Variants in TRIM48 observed in about 807,000 individuals in gnomAD.
TRIM48 encodes the protein tripartite motif containing 48.
In TRIM48, 31 loss-of-function variants were observed where a neutral mutation model predicts 29.5. The observed-to-expected ratio is 1.05, with a 90% CI of 0.79 to 1.42. The LOEUF (loss-of-function observed/expected upper bound fraction) is 1.42, where lower values mean the gene tolerates loss of function less well. Ranked by LOEUF, TRIM48 falls within the 40% of genes most tolerant of loss-of-function variation. The probability of loss-of-function intolerance (pLI) is 0.00; values close to 1 mark genes in which losing one functional copy is unlikely to be tolerated. For missense variants in TRIM48, 344 were observed against 265.0 expected (o/e 1.30, Z -2.07); for synonymous variants, 128 against 90.6 (o/e 1.41, Z -2.34).
Position 55,265,033 on chromosome 11 carries a change from C to T in TRIM48, c.178C>T (p.Gln60Ter). Reference sequence around the variant, plus strand: ...CAGGCCCTGTTTCTACCTCAACTGGCAAGACATCCCAATTCTTACTCAGTG... The same window carrying T: ...CAGGCCCTGTTTCTACCTCAACTGGTAAGACATCCCAATTCTTACTCAGTG... ...FCRPCFYLNW[Q>*]DIPILTQCFE... is the part of the protein sequence containing the mutation. The change falls in exon 2 of 6, where the codon CAA (glutamine) becomes TAA (stop). Residue 60 changes from glutamine to a stop codon, truncating the protein, a stop_gained. Transcript: ENST00000417545. LOFTEE classifies it high-confidence loss of function. 1.9e-6 allele frequency: 3 copies of T among 1,584,232 alleles called. 1 individual carries two copies. Among genetic ancestry groups the T allele is most frequent in the Non-Finnish European group, 2.6e-6 (3 of 1,166,270 alleles).
rs567367893 is a variant in TRIM48 at position 55,266,487 on chromosome 11, G to A, written c.555+792G>A. On this transcript the variant is annotated intron_variant, in intron 3 of 5. Transcript: ENST00000417545. ...GAAAGCATCTTTGTCCTCACAAATC[G>A]TACAATCCAAATGAGAGAGGCAAAA... Among the ~76,000 whole-genome samples, 18 of 147,516 alleles carry A rather than the reference G, an allele frequency of 1.2e-4. 1 individual carries two copies. The highest frequency in any genetic ancestry group is 6.5e-4 in the East Asian group (3 of 4,606).
chr11:55,271,098 T>A lies in TRIM48; in HGVS notation c.*663T>A. 2.1e-6 allele frequency: 2 copies of A among 947,832 alleles called. No individual in the cohort carries two copies. The highest frequency in any genetic ancestry group is 2.0e-5 in the South Asian group (1 of 48,838). 58.7% of individuals were successfully genotyped at this position (947,832 alleles called of 1,614,324 possible). On this transcript the variant is annotated 3_prime_UTR_variant, in exon 6 of 6. Coordinates refer to ENST00000417545, the MANE Select transcript of TRIM48 (RefSeq NM_024114.5). ...TCATTTATTGTGTTACTATTAAATGTAGTAAAAACACTAAAAGTATATATA... is the reference window on the plus strand; with the variant it reads ...TCATTTATTGTGTTACTATTAAATGAAGTAAAAACACTAAAAGTATATATA...
In TRIM48 at chr11:55,265,235, T is replaced by A. The variant is rs1857372703; in HGVS notation, c.380T>A (p.Leu127His). 1 of 1,582,738 alleles carries A rather than the reference T, an allele frequency of 6.3e-7. No individual in the cohort carries two copies. Among genetic ancestry groups the A allele is most frequent in the Non-Finnish European group, 8.6e-7 (1 of 1,166,220 alleles). The change falls in exon 2 of 6, where the codon CTC becomes CAC. Residue 127 changes from leucine to histidine, a missense_variant. By Grantham distance (99) the Leu-to-His change is moderately conservative. Transcript: ENST00000417545. ...TTCTGTGAAGTGGACAGGAGCCTGC[T>A]CTGTTTGCTGTGCTCCAGCTCTCAG... ...KMFCEVDRSL[L>H]CLLCSSSQEH...
At position 55,270,760 on chromosome 11, in the gene TRIM48, T is replaced by A. The variant is rs1222958527; in HGVS notation, c.*325T>A. The A allele has an allele frequency of 2.6e-6, 4 of 1,568,474 alleles. No homozygotes were observed. The highest frequency in any genetic ancestry group is 1.7e-5 in the Admixed American group (1 of 58,242). ...CATTCAGTGCAGTCTCTTTACCACC[T>A]CCCCAATTACACTGCAGTATGTCCC... On this transcript the variant is annotated 3_prime_UTR_variant, in exon 6 of 6. Transcript: ENST00000417545.
At chr11:55,264,545 G>A (rs1411452283) in intron 1 of TRIM48, among the ~76,000 whole-genome samples, 3 of 147,204 alleles carry the variant, frequency 2.0e-5, no homozygotes, top group East Asian at 2.2e-4. Context: ...ACACTCATTC[G>A]GCAGTCATAT....
chr11:55,264,756 T>A, intron 1 of TRIM48, 144 bp from the exon 2 acceptor site: 1 of 1,366,330 alleles, frequency 7.3e-7, no homozygotes, highest in Non-Finnish European at 1.0e-6. Context: ...GTGAGATTTT[T>A]ATTTTTGTTA....
chr11:55,267,430 A>C (rs1338608418), intron 3 of TRIM48: 1 of 1,578,034 alleles, frequency 6.3e-7, no homozygotes, highest in African/African-American at 1.4e-5. Flanking sequence ...TAAGGCTAGA[A>C]GCTATTAAAG....
In TRIM48 at chr11:55,271,024, A is replaced by G. The variant is rs916565448; in HGVS notation, c.*589A>G. The G allele has an allele frequency of 1.4e-6, 2 of 1,466,842 alleles. No individual in the cohort carries two copies. Among genetic ancestry groups the G allele is most frequent in the African/African-American group, 1.4e-5 (1 of 70,322 alleles). 90.9% of individuals were successfully genotyped at this position (1,466,842 alleles called of 1,614,324 possible). On this transcript the variant is annotated 3_prime_UTR_variant, in exon 6 of 6. Coordinates refer to ENST00000417545, the MANE Select transcript of TRIM48 (RefSeq NM_024114.5). ...TTCCTTGTGCCTTATCAAACAGGACAAATAGGTTCGGTTTTATGTCTTGAA... is the reference window on the plus strand; with the variant it reads ...TTCCTTGTGCCTTATCAAACAGGACGAATAGGTTCGGTTTTATGTCTTGAA...
In TRIM48 at chr11:55,262,237, C is replaced by T. The variant is rs1345241452; in HGVS notation, c.-31C>T. On this transcript the variant is annotated 5_prime_UTR_variant, in exon 1 of 6. Coordinates refer to ENST00000417545, the MANE Select transcript of TRIM48 (RefSeq NM_024114.5). ...GAAACTCAGTACTGCAGCGAATGAG[C>T]TCCTGACCTTGAGGAGTACTTAACA... 22 of 1,543,846 alleles carry T rather than the reference C, an allele frequency of 1.4e-5. No individual in the cohort carries two copies. Among genetic ancestry groups the T allele is most frequent in the Admixed American group, 5.9e-5 (3 of 50,930 alleles).
In TRIM48 at chr11:55,270,973, G is replaced by T; in HGVS notation, c.*538G>T. On this transcript the variant is annotated 3_prime_UTR_variant, in exon 6 of 6. Transcript: ENST00000417545. ...TCAGAAATGTGTTCATCTGCTGTGG[G>T]AACCCCTTTATCCCAGAAAGCCCTC... 1 of 1,532,840 alleles carries T rather than the reference G, an allele frequency of 6.5e-7. No homozygotes were observed. Among genetic ancestry groups the T allele is most frequent in the South Asian group, 1.2e-5 (1 of 80,896 alleles). 95.0% of individuals were successfully genotyped at this position (1,532,840 alleles called of 1,614,324 possible). A position where few individuals can be genotyped will look rare whatever the true frequency, so the allele number is the denominator to read the frequency against.
rs1455007752 is a variant in TRIM48, at chr11:55,265,233, G to C, written c.378G>C (p.Leu126=). Residue 126 remains leucine (L), a synonymous_variant, in exon 2 of 6, where the codon CTG becomes CTC. Transcript: ENST00000417545. ...TGTTCTGTGAAGTGGACAGGAGCCT[G>C]CTCTGTTTGCTGTGCTCCAGCTCTC... is the stretch of plus-strand genomic sequence containing the variant. ...KKMFCEVDRS[L]LCLLCSSSQE... The C allele has an allele frequency of 6.3e-7, 1 of 1,582,618 alleles. No individual in the cohort carries two copies. The highest frequency in any genetic ancestry group is 1.4e-5 in the African/African-American group (1 of 73,554).
At position 55,267,327 on chromosome 11, in the gene TRIM48, G is replaced by A. The variant is rs569167279; in HGVS notation, c.556-1023G>A. On this transcript the variant is annotated intron_variant, in intron 3 of 5. Coordinates refer to ENST00000417545, the MANE Select transcript of TRIM48 (RefSeq NM_024114.5). ...CTGAGGTTTAAACTATTGGATGTTC[G>A]AGAGACAAAAGGAATCAGTGAGATT... 1.0e-4 allele frequency: 147 copies of A among 1,418,086 alleles called. 27 individuals carry two copies. The South Asian group carries it at 1.7e-3, about 17-fold the overall frequency. 87.8% of individuals were successfully genotyped at this position (1,418,086 alleles called of 1,614,324 possible). A position where few individuals can be genotyped will look rare whatever the true frequency, so the allele number is the denominator to read the frequency against.
chr11:55,263,780 G>C (rs568208740), intron 1 of TRIM48, among the ~76,000 whole-genome samples: 3 of 152,218 alleles, frequency 2.0e-5, no homozygotes, highest in Non-Finnish European at 4.4e-5. Context: ...TGATTATGGA[G>C]TCTGAGCAGT....
At chr11:55,264,534 C>T (rs1857356825) in intron 1 of TRIM48, among the ~76,000 whole-genome samples, 1 of 147,600 alleles carries the variant, frequency 6.8e-6, no homozygotes, top group Non-Finnish European at 1.5e-5. Context: ...CCCACTCTTT[C>T]ACACTCATTC....
In TRIM48 at chr11:55,270,723, T is replaced by C. The variant is rs1439577685; in HGVS notation, c.*288T>C. The stretch of plus-strand genomic sequence containing the variant: ...AGGAGGGACTCTTTAGTCTTGGGTG[T>C]GTTAAGAACGACATTCAGTGCAGTC... On this transcript the variant is annotated 3_prime_UTR_variant, in exon 6 of 6. Transcript: ENST00000417545. 24 of 1,566,404 alleles carry C rather than the reference T, an allele frequency of 1.5e-5. 4 individuals carry two copies. Among genetic ancestry groups the C allele is most frequent in the Admixed American group, 3.4e-5 (2 of 58,234 alleles).
intron 1 of TRIM48, 43 bp downstream of exon 1, chr11:55,262,354 T>C (rs1857315792): frequency 2.0e-5 from 28 of 1,371,034 alleles, no homozygotes; most frequent in Non-Finnish European, 2.8e-5. Flanking sequence ...TTCTTTCCTT[T>C]ACAAAATAAT....
At chr11:55,269,544 T>A (rs1857447959) in intron 5 of TRIM48, among the ~76,000 whole-genome samples, 1 of 147,830 alleles carries the variant, frequency 6.8e-6, no homozygotes, top group Non-Finnish European at 1.5e-5. Flanking sequence ...ACAAATACAT[T>A]ATGGCCTCAT....
In TRIM48 at chr11:55,265,777, A is replaced by T; in HGVS notation, c.555+82A>T. On this transcript the variant is annotated intron_variant, in intron 3 of 5. Coordinates refer to ENST00000417545, the MANE Select transcript of TRIM48 (RefSeq NM_024114.5). ...TCTTAAAATAGGAACTTGATATCAA[A>T]CCGTAATGTTTCTGGGAGTCAAAAA... 1.5e-6 allele frequency: 2 copies of T among 1,310,806 alleles called. 1 individual carries two copies. The highest frequency in any genetic ancestry group is 2.1e-6 in the Non-Finnish European group (2 of 965,450). 81.2% of individuals were successfully genotyped at this position (1,310,806 alleles called of 1,614,324 possible).
intron 1 of TRIM48, among the ~76,000 whole-genome samples, chr11:55,262,629 T>C (rs1436401340): frequency 6.6e-6 from 1 of 152,176 alleles, no homozygotes; most frequent in Non-Finnish European, 1.5e-5. Context: ...GTAATGAGTG[T>C]ATTAATATTA....
Sources: gnomAD v4.1 joint callset for allele counts (sites outside exome capture counted in the v4.1 genomes callset) on GRCh38, gnomAD v4.1.1 for gene constraint, MANE v1.5 for transcripts, NCBI Gene and HGNC (gene_info 2026-07-23, HGNC 2026-07-21) for gene names.